Variants in TBC1D5 observed in about 807,000 individuals in gnomAD.
The protein encoded by TBC1D5 is TBC1 domain family member 5, also known as TBC1 domain family, member 5.
In TBC1D5, 75 loss-of-function variants were observed where a neutral mutation model predicts 100.3. The observed-to-expected ratio is 0.75, with a 90% CI of 0.62 to 0.91. The LOEUF is 0.91. Ranked by LOEUF, TBC1D5 falls within the 40% of genes least tolerant of loss-of-function variation. TBC1D5 has a pLI of 0.00. For synonymous variants in TBC1D5, 323 were observed against 325.6 expected, an observed-to-expected ratio of 0.99 and a Z score of 0.09; for missense variants, 910 against 942.4, an observed-to-expected ratio of 0.97 and a Z score of 0.45.
intron 19 of TBC1D5, among the ~76,000 whole-genome samples, chr3:17,174,103 C>T (rs995428958): frequency 1.3e-5 from 2 of 152,210 alleles, no homozygotes; most frequent in East Asian, 3.8e-4. Context: ...GCCTTTTCTT[C>T]AAAGTCCACC....
chr3:17,258,481 C>A, intron 16 of TBC1D5, 25 bp downstream of exon 16: 2 of 1,594,324 alleles, frequency 1.3e-6, no homozygotes, highest in Non-Finnish European at 8.6e-7. Context: ...TGATTTATAA[C>A]TATCATCAGA....
intron 4 of TBC1D5, among the ~76,000 whole-genome samples, chr3:17,418,442 T>C (rs2094135764): frequency 6.6e-6 from 1 of 152,052 alleles, no homozygotes; most frequent in Admixed American, 6.6e-5. Context: ...ACCCCCACTC[T>C]ACTAAAAATA....
At chr3:17,653,045 A>T (rs1201895655) in intron 1 of TBC1D5, among the ~76,000 whole-genome samples, 1 of 152,180 alleles carries the variant, frequency 6.6e-6, no homozygotes, top group African/African-American at 2.4e-5. Flanking sequence ...ACGAAGATAG[A>T]CACAAAAGTC....
At chr3:17,596,425 TCTC>T (rs2060571210) in intron 2 of TBC1D5, among the ~76,000 whole-genome samples, 1 of 150,866 alleles carries the variant, frequency 6.6e-6, no homozygotes, top group Non-Finnish European at 1.5e-5. Flanking sequence ...TTCAAGCAAT[TCTC>T]CTGCCTCAGT....
intron 2 of TBC1D5, among the ~76,000 whole-genome samples, chr3:17,614,083 C>T (rs1321834136): frequency 6.6e-6 from 1 of 152,200 alleles, no homozygotes; most frequent in African/African-American, 2.4e-5. Flanking sequence ...GGAAGGGATC[C>T]AGTTTCAGCT....
chr3:17,651,056 A>G (rs556262251), intron 1 of TBC1D5, among the ~76,000 whole-genome samples: 1 of 152,350 alleles, frequency 6.6e-6, no homozygotes, highest in African/African-American at 2.4e-5. Flanking sequence ...TTTCCTGGAA[A>G]AGAAAAATCA....
At chr3:17,693,647 C>T (rs1036038101) in intron 1 of TBC1D5, among the ~76,000 whole-genome samples, 2 of 152,262 alleles carry the variant, frequency 1.3e-5, no homozygotes, top group African/African-American at 4.8e-5. Flanking sequence ...CACCTCCGTA[C>T]ACAGGCCTTA....
At chr3:17,384,072 C>A (rs2093054740) in intron 8 of TBC1D5, 57 bp from the exon 9 acceptor site, 7 of 1,452,036 alleles carry the variant, frequency 4.8e-6, no homozygotes, top group Non-Finnish European at 4.7e-6. Context: ...GAATCACTCT[C>A]AAATTCTCAT....
At chr3:17,262,881 T>A (rs2078457675) in intron 15 of TBC1D5, among the ~76,000 whole-genome samples, 1 of 152,112 alleles carries the variant, frequency 6.6e-6, no homozygotes, top group African/African-American at 2.4e-5. Flanking sequence ...TTAGTCTGTG[T>A]GCAGAGGAAT....
chr3:17,569,025 A>T (rs1028791739), intron 2 of TBC1D5, among the ~76,000 whole-genome samples: 5 of 151,852 alleles, frequency 3.3e-5, no homozygotes, highest in African/African-American at 1.2e-4. Flanking sequence ...CCTTGTAATT[A>T]CCCTAATGTT....
At chr3:17,667,783 T>C (rs61081795) in intron 1 of TBC1D5, among the ~76,000 whole-genome samples, 86,818 of 151,856 alleles carry the variant, frequency 0.57, 25,642 homozygotes, top group East Asian at 0.99. Context: ...TCCAAAATAG[T>C]AAGTTTATAA....
chr3:17,172,227 A>C (rs1290983647), intron 19 of TBC1D5, among the ~76,000 whole-genome samples: 1 of 152,230 alleles, frequency 6.6e-6, no homozygotes, highest in Non-Finnish European at 1.5e-5. Context: ...AGGCTGTTAG[A>C]TGTTTTGAGT....
chr3:17,384,178 C>G (rs566077591), intron 8 of TBC1D5, among the ~76,000 whole-genome samples, 163 bp from the exon 9 acceptor site: 60 of 152,108 alleles, frequency 3.9e-4, no homozygotes, highest in Middle Eastern at 6.8e-3. Flanking sequence ...AGGAGTGAGG[C>G]AAGGGGAAAT....
At chr3:17,302,426 G>A (rs960521951) in intron 14 of TBC1D5, among the ~76,000 whole-genome samples, 1 of 152,092 alleles carries the variant, frequency 6.6e-6, no homozygotes, top group African/African-American at 2.4e-5. Flanking sequence ...TCCCAAATTA[G>A]GTCACGTTCT....
chr3:17,588,107 C>CTAAA (rs2096743775), intron 2 of TBC1D5, among the ~76,000 whole-genome samples: 1 of 151,978 alleles, frequency 6.6e-6, no homozygotes, highest in South Asian at 2.1e-4. Context: ...TGTTTTATTT[C>CTAAA]TAAATACATA....
chr3:17,285,482 G>C (rs1001656138), intron 15 of TBC1D5, among the ~76,000 whole-genome samples: 1 of 151,640 alleles, frequency 6.6e-6, no homozygotes, highest in East Asian at 2.0e-4. Context: ...GGATGGTCTC[G>C]ATCTCCTGAC....
intron 19 of TBC1D5, among the ~76,000 whole-genome samples, chr3:17,180,916 CAAAAAAAAA>C (rs76797012): frequency 1.0e-5 from 1 of 96,182 alleles, no homozygotes; most frequent in Non-Finnish European, 2.2e-5. Context: ...ACATTTACAC[CAAAAAAAAA>C]AAAAAAAAAG....
chr3:17,224,991 T>C (rs193274747), intron 17 of TBC1D5, among the ~76,000 whole-genome samples: 7 of 152,308 alleles, frequency 4.6e-5, no homozygotes, highest in African/African-American at 7.2e-5. Context: ...CTTACTAACA[T>C]ATTTTTGTGC....
At chr3:17,594,779 A>C (rs972086624) in intron 2 of TBC1D5, among the ~76,000 whole-genome samples, 20 of 152,150 alleles carry the variant, frequency 1.3e-4, no homozygotes, top group African/African-American at 4.8e-4. Context: ...CCTTATTATC[A>C]TCTTTATTTA....
Sources: gnomAD v4.1 joint callset for allele counts (sites outside exome capture counted in the v4.1 genomes callset) on GRCh38, gnomAD v4.1.1 for gene constraint, MANE v1.5 for transcripts, NCBI Gene and HGNC (gene_info 2026-07-23, HGNC 2026-07-21) for gene names.